DTNB: variants seen among roughly 807,000 people sequenced by gnomAD.
DTNB encodes the protein DTN-B.
A neutral mutation model predicts 90.7 loss-of-function variants in DTNB; 63 were observed. That is an observed-to-expected ratio of 0.69 (90% confidence interval 0.57 to 0.86). DTNB has a LOEUF of 0.86. DTNB is among the 40% of genes least tolerant of loss of function. The pLI, the probability that DTNB is intolerant of heterozygous loss-of-function variation, is 0.00. For synonymous variants in DTNB, 277 were observed against 286.7 expected, an observed-to-expected ratio of 0.97 and a Z score of 0.34; for missense variants, 744 against 807.1, an observed-to-expected ratio of 0.92 and a Z score of 0.95.
intron 1 of DTNB, among the ~76,000 whole-genome samples, chr2:25,656,641 G>A (rs1180744808): frequency 6.6e-6 from 1 of 152,002 alleles, no homozygotes; most frequent in Non-Finnish European, 1.5e-5. Context: ...CCACACTAAT[G>A]CACAAATAAA....
intron 2 of DTNB, among the ~76,000 whole-genome samples, chr2:25,641,329 T>C (rs2078257045): frequency 6.6e-6 from 1 of 152,216 alleles, no homozygotes; most frequent in African/African-American, 2.4e-5. Flanking sequence ...AAAATCATAT[T>C]GTGCCAACAT....
chr2:25,470,972 T>C (rs1460087395), intron 10 of DTNB, among the ~76,000 whole-genome samples: 1 of 152,202 alleles, frequency 6.6e-6, no homozygotes, highest in Non-Finnish European at 1.5e-5. Context: ...ATCTGGATTA[T>C]CTCTCCTCAA....
At chr2:25,580,403 C>A (rs191717742) in intron 7 of DTNB, among the ~76,000 whole-genome samples, 5 of 151,912 alleles carry the variant, frequency 3.3e-5, no homozygotes, top group Admixed American at 2.6e-4. Flanking sequence ...CACCTGTAAT[C>A]CCAGCTACTC....
intron 15 of DTNB, among the ~76,000 whole-genome samples, chr2:25,420,467 AATCTATCTATCT>A (rs70947889): frequency 0.017 from 2,541 of 145,600 alleles, 45 homozygotes; most frequent in South Asian, 0.032. Context: ...CATCTAAATC[AATCTATCTATCT>A]ATCTATCTAT....
At chr2:25,398,466 C>G (rs569038223) in intron 16 of DTNB, among the ~76,000 whole-genome samples, 1 of 152,276 alleles carries the variant, frequency 6.6e-6, no homozygotes, top group East Asian at 1.9e-4. Context: ...TAGGGTAATA[C>G]CAGTTTGCAA....
At chr2:25,493,728 G>A (rs7577573) in intron 9 of DTNB, among the ~76,000 whole-genome samples, 52,052 of 151,948 alleles carry the variant, frequency 0.34, 9,887 homozygotes, top group East Asian at 0.57. Context: ...AAAAATCCAC[G>A]GCCTATTCAT....
chr2:25,415,980 C>T (rs546304124), intron 16 of DTNB, among the ~76,000 whole-genome samples: 4 of 152,260 alleles, frequency 2.6e-5, no homozygotes, highest in East Asian at 1.9e-4. Context: ...GTTGTGGGAG[C>T]CCTGATTTGT....
At chr2:25,600,144 T>C (rs2065561016) in intron 5 of DTNB, among the ~76,000 whole-genome samples, 1 of 152,094 alleles carries the variant, frequency 6.6e-6, no homozygotes, top group Non-Finnish European at 1.5e-5. Context: ...AAAATAATCG[T>C]TCATTGAATC....
At chr2:25,419,464 A>G in intron 16 of DTNB, 51 bp downstream of exon 16, 2 of 1,554,068 alleles carry the variant, frequency 1.3e-6, no homozygotes, top group Middle Eastern at 3.3e-4. Flanking sequence ...GAGGAAAGGA[A>G]GAACGTGCAA....
At chr2:25,612,709 A>C (rs1442137314) in intron 4 of DTNB, among the ~76,000 whole-genome samples, 1 of 152,148 alleles carries the variant, frequency 6.6e-6, no homozygotes, top group Non-Finnish European at 1.5e-5. Context: ...AAGAAGACAC[A>C]AATTACCAAT....
intron 16 of DTNB, among the ~76,000 whole-genome samples, chr2:25,398,760 G>A (rs2042992058): frequency 6.6e-6 from 1 of 152,064 alleles, no homozygotes; most frequent in Non-Finnish European, 1.5e-5. Flanking sequence ...GCTCCTGCTG[G>A]TCCCCTGGGC....
chr2:25,389,564 C>G (rs550887972), intron 16 of DTNB, among the ~76,000 whole-genome samples: 43 of 152,286 alleles, frequency 2.8e-4, no homozygotes, highest in African/African-American at 9.9e-4. Flanking sequence ...GATGTGGGCT[C>G]TGTAGCTCTT....
intron 18 of DTNB, among the ~76,000 whole-genome samples, chr2:25,386,886 G>A (rs2039623542): frequency 6.6e-6 from 1 of 152,210 alleles, no homozygotes; most frequent in Admixed American, 6.5e-5. Context: ...AAGGTCCAGA[G>A]CTTTCCTGGC....
At chr2:25,618,203 C>T (rs555231065) in intron 4 of DTNB, among the ~76,000 whole-genome samples, 1 of 152,246 alleles carries the variant, frequency 6.6e-6, no homozygotes, top group South Asian at 2.1e-4. Flanking sequence ...ATTACTTTTG[C>T]TTTTCTAATG....
chr2:25,527,770 C>G (rs767370678), intron 9 of DTNB, among the ~76,000 whole-genome samples: 2 of 152,072 alleles, frequency 1.3e-5, no homozygotes, highest in Non-Finnish European at 2.9e-5. Flanking sequence ...TAAAAATCTT[C>G]CCACAAAGAA....
intron 16 of DTNB, among the ~76,000 whole-genome samples, chr2:25,406,917 T>C (rs2045339493): frequency 6.6e-6 from 1 of 152,184 alleles, no homozygotes; most frequent in Non-Finnish European, 1.5e-5. Flanking sequence ...AGAATCTCTC[T>C]TGATTTTCTG....
chr2:25,621,685 G>A (rs1295221689), intron 4 of DTNB, among the ~76,000 whole-genome samples: 4 of 141,240 alleles, frequency 2.8e-5, no homozygotes, highest in African/African-American at 8.0e-5. Flanking sequence ...TTGAACTCCC[G>A]ACCTCAGGTG....
At chr2:25,622,543 T>C (rs190863272) in intron 4 of DTNB, among the ~76,000 whole-genome samples, 1 of 152,306 alleles carries the variant, frequency 6.6e-6, no homozygotes, top group East Asian at 1.9e-4. Flanking sequence ...AAATGTCATG[T>C]TCAAATTTAG....
intron 4 of DTNB, among the ~76,000 whole-genome samples, chr2:25,609,921 T>G (rs2068137011): frequency 6.6e-6 from 1 of 151,898 alleles, no homozygotes; most frequent in African/African-American, 2.4e-5. Context: ...ATACACAAAA[T>G]AGACATGGAA....
Sources: gnomAD v4.1 joint callset for allele counts (sites outside exome capture counted in the v4.1 genomes callset) on GRCh38, gnomAD v4.1.1 for gene constraint, MANE v1.5 for transcripts, NCBI Gene and HGNC (gene_info 2026-07-23, HGNC 2026-07-21) for gene names.